ZNG1C: variants seen among roughly 807,000 people sequenced by gnomAD.
The protein encoded by ZNG1C is zinc-regulated GTPase metalloprotein activator 1C.
At chr9:68,298,805 G>A in the ZNG1C span, 1 of 524,044 alleles carries the variant, frequency 1.9e-6, no homozygotes, top group East Asian at 2.9e-5. Context: ...GAAACTTCTT[G>A]TAATTCACAA....
the ZNG1C span, chr9:68,274,026 G>C: frequency 1.4e-5 from 2 of 146,150 alleles, no homozygotes; most frequent in East Asian, 2.0e-4. Flanking sequence ...TTTTGGTAGA[G>C]ACAGGGTTTC....
chr9:68,272,389 T>A, the ZNG1C span: 412 of 83,226 alleles, frequency 5.0e-3, no homozygotes, highest in African/African-American at 0.018. Flanking sequence ...TTTTGTTTAC[T>A]TCATTCTCTT....
chr9:68,296,442 C>T, the ZNG1C span, among the ~76,000 whole-genome samples: 2 of 151,506 alleles, frequency 1.3e-5, no homozygotes, highest in East Asian at 3.9e-4. Flanking sequence ...CACCTGTTCC[C>T]CAGTAACCTA....
chr9:68,276,653 C>T, the ZNG1C span, among the ~76,000 whole-genome samples: 3 of 111,534 alleles, frequency 2.7e-5, no homozygotes, highest in African/African-American at 1.0e-4. Flanking sequence ...TGTTCTGTTC[C>T]ATTGATCTAT....
chr9:68,267,205 C>T, the ZNG1C span, among the ~76,000 whole-genome samples: 1 of 152,276 alleles, frequency 6.6e-6, no homozygotes, highest in African/African-American at 2.4e-5. Context: ...TTCAATCTGT[C>T]ATCTCAGTTC....
chr9:68,288,381 G>GT, the ZNG1C span, among the ~76,000 whole-genome samples: 1 of 152,210 alleles, frequency 6.6e-6, no homozygotes, highest in Non-Finnish European at 1.5e-5. Flanking sequence ...GTTTGTTTTG[G>GT]TTTTGGTTTA....
chr9:68,289,847 GA>G, the ZNG1C span, among the ~76,000 whole-genome samples: 5 of 124,350 alleles, frequency 4.0e-5, no homozygotes, highest in East Asian at 4.2e-4. Flanking sequence ...ACAAAAACTG[GA>G]AAAAAAAAGT....
chr9:68,266,743 C>A, the ZNG1C span, among the ~76,000 whole-genome samples: 1 of 148,432 alleles, frequency 6.7e-6, no homozygotes, highest in Non-Finnish European at 1.5e-5. Flanking sequence ...TTCTATAGAG[C>A]CTATTCTGTC....
chr9:68,296,674 T>C, the ZNG1C span, among the ~76,000 whole-genome samples: 1 of 151,944 alleles, frequency 6.6e-6, no homozygotes, highest in African/African-American at 2.4e-5. Flanking sequence ...CCTTTTTAAA[T>C]TCATTTTGAG....
the ZNG1C span, among the ~76,000 whole-genome samples, chr9:68,255,420 G>GGGGAGAAAA: frequency 3.3e-5 from 5 of 151,110 alleles, no homozygotes; most frequent in Admixed American, 6.6e-5. Flanking sequence ...AAAGCACCCT[G>GGGGAGAAAA]GTTTGAGAGC....
At chr9:68,244,685 C>A in the ZNG1C span, among the ~76,000 whole-genome samples, 1 of 120,248 alleles carries the variant, frequency 8.3e-6, no homozygotes, top group South Asian at 2.6e-4. Flanking sequence ...TTAGTGTGTA[C>A]GGTTCACAAG....
At chr9:68,247,435 G>A in the ZNG1C span, among the ~76,000 whole-genome samples, 2 of 151,562 alleles carry the variant, frequency 1.3e-5, no homozygotes, top group Non-Finnish European at 2.9e-5. Context: ...TTAAATAAAA[G>A]CTAAAATAAT....
chr9:68,276,664 ATC>A, the ZNG1C span, among the ~76,000 whole-genome samples: 1 of 94,248 alleles, frequency 1.1e-5, no homozygotes, highest in South Asian at 3.6e-4. Context: ...ATTGATCTAT[ATC>A]TCTGTTTTGG....
chr9:68,276,365 A>G, the ZNG1C span, among the ~76,000 whole-genome samples: 2 of 126,048 alleles, frequency 1.6e-5, no homozygotes, highest in East Asian at 2.0e-4. Flanking sequence ...TGTTTTAGAC[A>G]TGAAGTCCTT....
At chr9:68,266,806 C>T in the ZNG1C span, among the ~76,000 whole-genome samples, 1 of 151,162 alleles carries the variant, frequency 6.6e-6, no homozygotes, top group African/African-American at 2.4e-5. Context: ...CTCAGTTTTC[C>T]CTGAACTCTT....
At chr9:68,293,205 A>C in the ZNG1C span, among the ~76,000 whole-genome samples, 3 of 152,290 alleles carry the variant, frequency 2.0e-5, no homozygotes, top group East Asian at 5.8e-4. Flanking sequence ...ATATCAAAAC[A>C]GAACCTCTTT....
the ZNG1C span, among the ~76,000 whole-genome samples, chr9:68,268,591 A>G: frequency 6.6e-6 from 1 of 152,200 alleles, no homozygotes; most frequent in Admixed American, 6.5e-5. Flanking sequence ...GTATCTACTC[A>G]TTTTTAAGAA....
chr9:68,270,978 T>G, the ZNG1C span: 12 of 146,694 alleles, frequency 8.2e-5, no homozygotes, highest in African/African-American at 2.3e-4. Context: ...TTTTTGTTTT[T>G]TAAAATTTTT....
the ZNG1C span, among the ~76,000 whole-genome samples, chr9:68,280,209 CT>C: frequency 7.6e-6 from 1 of 131,092 alleles, no homozygotes; most frequent in Middle Eastern, 3.8e-3. Flanking sequence ...ATACATTCTT[CT>C]AAATTTTTTT....
Sources: gnomAD v4.1 joint callset for allele counts (sites outside exome capture counted in the v4.1 genomes callset) on GRCh38, gnomAD v4.1.1 for gene constraint, MANE v1.5 for transcripts, NCBI Gene and HGNC (gene_info 2026-07-23, HGNC 2026-07-21) for gene names.